Variants in UBE2Z observed in about 807,000 individuals in gnomAD.
The protein encoded by UBE2Z is ubiquitin-conjugating enzyme E2 Z.
In UBE2Z, 10 loss-of-function variants were observed where a neutral mutation model predicts 32.6. That is an observed-to-expected ratio of 0.31 (90% CI 0.19 to 0.52). The LOEUF is 0.52. Ranked by LOEUF, UBE2Z falls within the 20% of genes least tolerant of loss-of-function variation. The probability of loss-of-function intolerance (pLI) is 0.97; values close to 1 mark genes in which losing one functional copy is unlikely to be tolerated. For synonymous variants in UBE2Z, 183 were observed against 190.8 expected, an observed-to-expected ratio of 0.96 and a Z score of 0.34; for missense variants, 343 against 480.9, an observed-to-expected ratio of 0.71 and a Z score of 2.68.
chr17:48,914,328 A>G (rs1194255232), intron 3 of UBE2Z, among the ~76,000 whole-genome samples: 1 of 152,164 alleles, frequency 6.6e-6, no homozygotes, highest in Non-Finnish European at 1.5e-5. Flanking sequence ...ACATGTTTCC[A>G]GGTTTGTGTG....
At chr17:48,911,515 A>C (rs950806173) in intron 2 of UBE2Z, 5 of 152,274 alleles carry the variant, frequency 3.3e-5, no homozygotes, top group Non-Finnish European at 7.3e-5. Context: ...GTTGCACTTA[A>C]ACTGATGTTA....
intron 2 of UBE2Z, chr17:48,911,152 C>T (rs920600639): frequency 2.3e-6 from 1 of 440,296 alleles, no homozygotes; most frequent in South Asian, 3.1e-5. Flanking sequence ...ATAGGGCATT[C>T]TTTCACTCTC....
chr17:48,908,543 G>A lies in UBE2Z; in HGVS notation c.40G>A (p.Ala14Thr), dbSNP rs978106248. 2 of 1,236,358 alleles carry A rather than the reference G, an allele frequency of 1.6e-6. No homozygotes were observed. 76.6% of individuals were successfully genotyped at this position (1,236,358 alleles called of 1,614,324 possible). A position where few individuals can be genotyped will look rare whatever the true frequency, so the allele number is the denominator to read the frequency against. ...GACTGAGGAGGCGGCAACGGCGGGC[G>A]CCGGGGCGGCGGGCCCCGGGGCGAG... ...SPTEEAATAG[A>T]GAAGPGASSV... The change falls in exon 1 of 7, where the codon GCC (alanine) becomes ACC (threonine). Residue 14 changes from alanine to threonine, a missense_variant. Coordinates refer to ENST00000360943, the MANE Select transcript of UBE2Z (RefSeq NM_023079.5).
intron 5 of UBE2Z, among the ~76,000 whole-genome samples, chr17:48,921,855 C>A (rs1955681337): frequency 6.6e-6 from 1 of 151,804 alleles, no homozygotes; most frequent in South Asian, 2.1e-4. Context: ...ACAGGGAGAC[C>A]CCATCTCTAC....
At chr17:48,919,675 A>AC (rs1204471696) in intron 4 of UBE2Z, among the ~76,000 whole-genome samples, 2 of 152,102 alleles carry the variant, frequency 1.3e-5, no homozygotes, top group African/African-American at 4.8e-5. Flanking sequence ...ACGGGATCTC[A>AC]CCATGTTGCC....
chr17:48,918,746 CT>C (rs71144542), intron 4 of UBE2Z, among the ~76,000 whole-genome samples: 48,028 of 127,056 alleles, frequency 0.38, 7,484 homozygotes, highest in Admixed American at 0.47. Flanking sequence ...TAGGTCTTGT[CT>C]TTTTTTTTTT....
chr17:48,918,244 A>T (rs566828637), intron 4 of UBE2Z, among the ~76,000 whole-genome samples: 25 of 152,090 alleles, frequency 1.6e-4, no homozygotes, highest in African/African-American at 6.0e-4. Flanking sequence ...GGCCAACTTA[A>T]TTTATTTTTA....
At position 48,927,156 on chromosome 17, in the gene UBE2Z, C is replaced by T; in HGVS notation, c.*22C>T. ...TTAGACCCTGCTCCCATCTCCCCTT[C>T]CCCCACTCAAGAGTCCCAGCAGAAT... On this transcript the variant is annotated 3_prime_UTR_variant, in exon 7 of 7. Coordinates refer to ENST00000360943, the MANE Select transcript of UBE2Z (RefSeq NM_023079.5). The T allele has an allele frequency of 6.2e-7, 1 of 1,611,890 alleles. No homozygotes were observed. The highest frequency in any genetic ancestry group is 8.5e-7 in the Non-Finnish European group (1 of 1,178,764).
chr17:48,912,304 C>T, intron 2 of UBE2Z: 1 of 154,698 alleles, frequency 6.5e-6, no homozygotes, highest in Non-Finnish European at 1.4e-5. Context: ...CTCCTTTCAT[C>T]ATACTTTCCC....
chr17:48,923,085 G>A (rs950625309), intron 6 of UBE2Z, 148 bp downstream of exon 6: 3 of 619,726 alleles, frequency 4.8e-6, no homozygotes, highest in Non-Finnish European at 5.3e-6. Context: ...ACTTTGGGAG[G>A]CCAAGGCGGG....
At chr17:48,919,720 C>G (rs557774235) in intron 4 of UBE2Z, among the ~76,000 whole-genome samples, 40 of 151,870 alleles carry the variant, frequency 2.6e-4, no homozygotes, top group African/African-American at 9.4e-4. Flanking sequence ...TCAAGCGATC[C>G]GCCTGCATCG....
chr17:48,923,207 T>A, intron 6 of UBE2Z: 1 of 226,958 alleles, frequency 4.4e-6, no homozygotes, highest in Non-Finnish European at 8.8e-6. Context: ...TGTAGTCCCA[T>A]CTACTCAGGA....
intron 3 of UBE2Z, among the ~76,000 whole-genome samples, chr17:48,913,273 T>C (rs533743404): frequency 6.6e-6 from 1 of 152,242 alleles, no homozygotes; most frequent in South Asian, 2.1e-4. Context: ...TGGGAACTTG[T>C]AGCCGAGCAG....
intron 6 of UBE2Z, among the ~76,000 whole-genome samples, chr17:48,923,609 C>T (rs930645039): frequency 1.3e-4 from 15 of 116,864 alleles, no homozygotes; most frequent in Admixed American, 5.2e-4. Flanking sequence ...GCAACAAGAG[C>T]GAAACTCGGT....
intron 2 of UBE2Z, chr17:48,912,397 CTG>C (rs918908943): frequency 1.3e-5 from 2 of 157,860 alleles, no homozygotes; most frequent in African/African-American, 4.8e-5. Flanking sequence ...CAGTCAAAAT[CTG>C]TGTCGATTTC....
rs1598069225 is a variant in UBE2Z, at chr17:48,908,514, G to C, written c.11G>C (p.Ser4Thr). 9 of 1,235,884 alleles carry C rather than the reference G, an allele frequency of 7.3e-6. No individual in the cohort carries two copies. Among genetic ancestry groups the C allele is most frequent in the Admixed American group, 4.2e-5 (1 of 23,690 alleles). The allele number at this position is 1,235,884 out of a possible 1,614,324, so 76.6% of individuals were successfully genotyped here. A position where few individuals can be genotyped will look rare whatever the true frequency, so the allele number is the denominator to read the frequency against. The stretch of plus-strand genomic sequence containing the variant: ...GGAAGCGAAGCAGCGATGGCGGAGA[G>C]TCCGACTGAGGAGGCGGCAACGGCG... MAE[S>T]PTEEAATAGA... Residue 4 changes from serine (S) to threonine (T), a missense_variant, in exon 1 of 7, where the codon AGT (serine) becomes ACT (threonine). Physicochemically the swap from Ser to Thr is moderately conservative, Grantham distance 58 (BLOSUM62 1). Coordinates refer to ENST00000360943, the MANE Select transcript of UBE2Z (RefSeq NM_023079.5).
chr17:48,923,156 C>T, intron 6 of UBE2Z: 1 of 365,732 alleles, frequency 2.7e-6, no homozygotes, highest in Non-Finnish European at 5.1e-6. Context: ...CCCGTCTCTA[C>T]TAAAAATACA....
intron 4 of UBE2Z, among the ~76,000 whole-genome samples, chr17:48,920,657 C>T (rs914718679): frequency 4.0e-5 from 6 of 151,794 alleles, no homozygotes; most frequent in African/African-American, 7.3e-5. Flanking sequence ...GTGATGGTGC[C>T]GCTGCACTCC....
chr17:48,919,540 A>G (rs1478351553), intron 4 of UBE2Z, among the ~76,000 whole-genome samples: 1 of 152,202 alleles, frequency 6.6e-6, no homozygotes, highest in East Asian at 1.9e-4. Context: ...ACAGTGGCAC[A>G]GTCATAGCTC....
Sources: gnomAD v4.1 joint callset for allele counts (sites outside exome capture counted in the v4.1 genomes callset) on GRCh38, gnomAD v4.1.1 for gene constraint, MANE v1.5 for transcripts, NCBI Gene and HGNC (gene_info 2026-07-23, HGNC 2026-07-21) for gene names.